Variants in RIMS2 observed in about 807,000 individuals in gnomAD.
RIMS2 encodes the protein regulating synaptic membrane exocytosis 2.
A neutral mutation model predicts 174.4 loss-of-function variants in RIMS2; 59 were observed. The ratio of observed to expected loss-of-function variants is 0.34; its 90% CI spans 0.27 to 0.42. RIMS2 has a LOEUF of 0.42. Ranked by LOEUF, RIMS2 falls within the 10% of genes least tolerant of loss-of-function variation. RIMS2 has a pLI of 1.00. For synonymous variants in RIMS2, 606 were observed against 572.5 expected (o/e 1.06, Z -0.84); for missense variants, 1,620 against 1,666.3 (o/e 0.97, Z 0.48).
chr8:103,960,716 ATTAAC>A (rs1226211594), intron 14 of RIMS2, among the ~76,000 whole-genome samples: 7 of 152,186 alleles, frequency 4.6e-5, no homozygotes, highest in Non-Finnish European at 7.4e-5. Context: ...AGCATCTAAA[ATTAAC>A]TTGACTTATC....
At chr8:104,014,426 GC>G in intron 18 of RIMS2, 79 bp from the exon 21 acceptor site, 1 of 748,136 alleles carries the variant, frequency 1.3e-6, no homozygotes, top group Non-Finnish European at 2.2e-6. Flanking sequence ...TATTTATACA[GC>G]TATCATATGA....
intron 15 of RIMS2, among the ~76,000 whole-genome samples, chr8:103,969,569 T>C (rs1047209905): frequency 1.3e-5 from 2 of 152,202 alleles, no homozygotes; most frequent in African/African-American, 4.8e-5. Flanking sequence ...AGAATTTCTT[T>C]CTGCTTACAT....
rs555453446 is a variant in RIMS2 at position 103,895,564 on chromosome 8, G to A, written c.1624+9341G>A. Among the ~76,000 whole-genome samples the A allele has an allele frequency of 2.0e-5, 3 of 151,604 alleles. No homozygotes were observed. The South Asian group carries it at 6.2e-4, about 31-fold the overall frequency. ...CAAAAACTATTGTATTGGGGATTAA[G>A]GCTTCAACACATGAATTTGGCAGGA... On this transcript the variant is annotated intron_variant, in intron 4 of 23. Transcript: ENST00000504942.
chr8:103,808,696 T>C (rs982563847), intron 3 of RIMS2, among the ~76,000 whole-genome samples: 1 of 152,160 alleles, frequency 6.6e-6, no homozygotes, highest in Non-Finnish European at 1.5e-5. Context: ...GAGTTACTTT[T>C]TACACCTATC....
At chr8:103,931,451 A>C in intron 12 of RIMS2, 58 bp downstream of exon 14, 1 of 1,217,468 alleles carries the variant, frequency 8.2e-7, no homozygotes, top group Non-Finnish European at 1.2e-6. Context: ...TGTTCATAGC[A>C]ATGGGTATTT....
intron 19 of RIMS2, among the ~76,000 whole-genome samples, chr8:104,043,697 A>C (rs2096647207): frequency 6.6e-6 from 1 of 151,716 alleles, no homozygotes; most frequent in African/African-American, 2.4e-5. Context: ...TAATTATCTT[A>C]AGAATTTTCA....
intron 3 of RIMS2, among the ~76,000 whole-genome samples, chr8:103,828,689 T>A (rs2098806571): frequency 1.3e-5 from 2 of 148,760 alleles, no homozygotes; most frequent in Admixed American, 1.3e-4. Flanking sequence ...TTTTTTTTTA[T>A]AGTCTTGGGT....
intron 2 of RIMS2, among the ~76,000 whole-genome samples, chr8:103,732,673 T>G (rs1475566502): frequency 1.3e-5 from 2 of 152,108 alleles, no homozygotes; most frequent in East Asian, 3.9e-4. Context: ...ACAAAATGTT[T>G]CCCACTCTTC....
rs776389034 is a variant in RIMS2, at chr8:103,795,958, G to A, written c.698+29421G>A. ...TTCCTCCGAAAGTAGCAGCTCCTTT[G>A]TCATCCCCTAGCCCATCTTATTGCA... On this transcript the variant is annotated intron_variant, in intron 3 of 23. Transcript: ENST00000504942. Among the ~76,000 whole-genome samples the A allele has an allele frequency of 2.3e-4, 35 of 152,196 alleles. 1 individual carries two copies. The highest frequency in any genetic ancestry group is 4.7e-4 in the Non-Finnish European group (32 of 68,006).
At chr8:103,835,369 G>A (rs1470692062) in intron 3 of RIMS2, among the ~76,000 whole-genome samples, 3 of 151,998 alleles carry the variant, frequency 2.0e-5, no homozygotes, top group African/African-American at 4.8e-5. Context: ...CCAAAGTGCC[G>A]GGATTACAGG....
chr8:103,886,865 A>T (rs556584485), intron 4 of RIMS2, among the ~76,000 whole-genome samples: 10 of 151,692 alleles, frequency 6.6e-5, no homozygotes, highest in South Asian at 2.1e-4. Context: ...TTATACCACA[A>T]CTAAATATTT....
chr8:103,778,321 A>G (rs1208333516), intron 3 of RIMS2, among the ~76,000 whole-genome samples: 1 of 152,074 alleles, frequency 6.6e-6, no homozygotes, highest in Admixed American at 6.6e-5. Context: ...ATTGTTAACT[A>G]GTATCATCCT....
intron 1 of RIMS2, among the ~76,000 whole-genome samples, chr8:103,575,299 G>A (rs1026605287): frequency 3.3e-5 from 5 of 152,126 alleles, no homozygotes; most frequent in African/African-American, 1.2e-4. Flanking sequence ...GGTGTTTTAA[G>A]GTTATGGAAC....
intron 16 of RIMS2, among the ~76,000 whole-genome samples, chr8:103,987,582 G>A (rs1052988912): frequency 2.0e-5 from 3 of 152,012 alleles, no homozygotes; most frequent in African/African-American, 7.3e-5. Context: ...ATAAGAGATG[G>A]ATGTTCATTA....
chr8:103,505,588 C>T (rs200535393), intron 1 of RIMS2, among the ~76,000 whole-genome samples: 2 of 151,666 alleles, frequency 1.3e-5, no homozygotes, highest in East Asian at 3.9e-4. Flanking sequence ...CATGCATTTC[C>T]TACATGTATG....
chr8:103,663,864 C>T (rs897633246), intron 1 of RIMS2, among the ~76,000 whole-genome samples: 1 of 152,288 alleles, frequency 6.6e-6, no homozygotes, highest in East Asian at 1.9e-4. Context: ...GGAGGCATCA[C>T]ACTACCTGAC....
rs200907072 is a variant in RIMS2, at chr8:104,034,462, CT to C, written c.3334+19872del. Among the ~76,000 whole-genome samples the C allele has an allele frequency of 5.0e-3, 588 of 118,220 alleles. 3 individuals are homozygous for C. The highest frequency in any genetic ancestry group is 6.0e-3 in the Non-Finnish European group (334 of 55,442). 77.6% of individuals were successfully genotyped at this position (118,220 alleles called of 152,430 possible). A position where few individuals can be genotyped will look rare whatever the true frequency, so the allele number is the denominator to read the frequency against. On this transcript the variant is annotated intron_variant, in intron 19 of 23. Coordinates refer to ENST00000504942, the Ensembl canonical transcript of RIMS2. Reference sequence around the variant, plus strand: ...AAAACAAGTGATTTACTTGCAGTATCTTTTTTTTTTTTTTTTTTTTTTTTTG... The same window carrying C: ...AAAACAAGTGATTTACTTGCAGTATCTTTTTTTTTTTTTTTTTTTTTTTTG...
intron 3 of RIMS2, among the ~76,000 whole-genome samples, chr8:103,815,379 T>A (rs937132762): frequency 3.3e-5 from 5 of 152,304 alleles, no homozygotes; most frequent in Admixed American, 2.6e-4. Context: ...AAGTGTTGAT[T>A]AGTTTTTTAG....
intron 1 of RIMS2, among the ~76,000 whole-genome samples, chr8:103,643,521 G>A (rs908869375): frequency 1.3e-5 from 2 of 152,120 alleles, no homozygotes; most frequent in Non-Finnish European, 2.9e-5. Flanking sequence ...TAGGTCTTAA[G>A]TATGACATTT....
Sources: allele counts gnomAD v4.1 joint callset (sites outside exome capture counted in the v4.1 genomes callset), GRCh38; gene constraint gnomAD v4.1.1; transcripts MANE v1.5; gene names NCBI Gene and HGNC (gene_info 2026-07-23, HGNC 2026-07-21).